The following CHP1 variants were observed in gnomAD, a reference collection of about 807,000 sequenced individuals.
The protein encoded by CHP1 is calcineurin B homologous protein 1.
CHP1 carries 11 observed loss-of-function variants against 27.4 expected under a neutral mutation model. The observed-to-expected ratio is 0.40, with a 90% CI of 0.25 to 0.67. CHP1 has a LOEUF of 0.67. CHP1 is among the 30% of genes least tolerant of loss of function. The pLI is 0.38. For synonymous variants in CHP1, 89 were observed against 87.4 expected (o/e 1.02, Z -0.10); for missense variants, 169 against 251.3 (o/e 0.67, Z 2.22).
At chr15:41,235,203 A>G (rs971335642) in intron 1 of CHP1, among the ~76,000 whole-genome samples, 3 of 152,114 alleles carry the variant, frequency 2.0e-5, no homozygotes, top group Admixed American at 6.6e-5. Context: ...AATTGTAGCA[A>G]TAAGCTGGCT....
At chr15:41,262,075 A>C (rs911979508) in intron 3 of CHP1, among the ~76,000 whole-genome samples, 1 of 151,770 alleles carries the variant, frequency 6.6e-6, no homozygotes. Context: ...AGGCTAAGGC[A>C]GGAGAATTGC....
At chr15:41,255,195 G>A (rs753112512) in intron 2 of CHP1, among the ~76,000 whole-genome samples, 5 of 151,866 alleles carry the variant, frequency 3.3e-5, no homozygotes, top group Non-Finnish European at 7.4e-5. Flanking sequence ...TTCCTAGTCC[G>A]GGATCATGTG....
At chr15:41,272,423 T>A (rs1322336458) in intron 5 of CHP1, 1 of 152,156 alleles carries the variant, frequency 6.6e-6, no homozygotes, top group Non-Finnish European at 1.5e-5. Flanking sequence ...TTTTTTTGTT[T>A]TGTTTTGTTT....
At chr15:41,271,930 T>A (rs1029656200) in intron 5 of CHP1, among the ~76,000 whole-genome samples, 1 of 152,224 alleles carries the variant, frequency 6.6e-6, no homozygotes, top group South Asian at 2.1e-4. Context: ...TATAGTTGCA[T>A]GTGTTTATGC....
rs912046677 is a variant in CHP1 at position 41,276,628 on chromosome 15, G to A, written c.412-2139G>A. On this transcript the variant is annotated intron_variant, in intron 5 of 6. Transcript: ENST00000334660. Reference sequence around the variant, plus strand: ...TGTTAAATTCTCTTACTCAATTCTCGCAGCCTTTTAATTGTGCTTGTTATT... The same window carrying A: ...TGTTAAATTCTCTTACTCAATTCTCACAGCCTTTTAATTGTGCTTGTTATT... Among the ~76,000 whole-genome samples the A allele has an allele frequency of 5.3e-5, 8 of 152,102 alleles. No homozygotes were observed. In the South Asian group the frequency reaches 8.3e-4, roughly 16 times the overall value.
chr15:41,264,493 C>T (rs1478087016), intron 4 of CHP1, among the ~76,000 whole-genome samples: 1 of 152,218 alleles, frequency 6.6e-6, no homozygotes, highest in Non-Finnish European at 1.5e-5. Flanking sequence ...AGGCTGAGTG[C>T]AGTGGCGTGA....
At chr15:41,247,257 T>C (rs918196473) in intron 2 of CHP1, among the ~76,000 whole-genome samples, 5 of 151,430 alleles carry the variant, frequency 3.3e-5, no homozygotes, top group African/African-American at 1.2e-4. Flanking sequence ...GAATTCCAGG[T>C]ACTTGGGAGG....
At chr15:41,235,279 G>A (rs1361814284) in intron 1 of CHP1, among the ~76,000 whole-genome samples, 1 of 152,126 alleles carries the variant, frequency 6.6e-6, no homozygotes, top group Admixed American at 6.6e-5. Context: ...AGCACTTTGG[G>A]AGGCCAAGGT....
At chr15:41,235,554 C>T (rs907859771) in intron 1 of CHP1, among the ~76,000 whole-genome samples, 5 of 152,068 alleles carry the variant, frequency 3.3e-5, no homozygotes, top group Non-Finnish European at 4.4e-5. Flanking sequence ...ACCACAAAAA[C>T]ACCTTGATAA....
chr15:41,265,875 A>T (rs535455425), intron 4 of CHP1, among the ~76,000 whole-genome samples: 89 of 152,210 alleles, frequency 5.8e-4, no homozygotes, highest in Admixed American at 2.0e-3. Context: ...AGCAAGGCTG[A>T]ACTATGCCCA....
chr15:41,272,914 G>T (rs566205801), intron 5 of CHP1, among the ~76,000 whole-genome samples: 1 of 152,014 alleles, frequency 6.6e-6, no homozygotes, highest in South Asian at 2.1e-4. Flanking sequence ...AAAATTAGCC[G>T]GGCATGGTGG....
chr15:41,268,609 T>C (rs1206725616), intron 4 of CHP1, among the ~76,000 whole-genome samples: 1 of 145,792 alleles, frequency 6.9e-6, no homozygotes, highest in African/African-American at 2.6e-5. Context: ...GCCACTGCAC[T>C]CCAGCCTGGG....
chr15:41,270,348 G>A (rs1312251394), intron 4 of CHP1, among the ~76,000 whole-genome samples: 1 of 152,120 alleles, frequency 6.6e-6, no homozygotes, highest in African/African-American at 2.4e-5. Flanking sequence ...TGTTGGAAGA[G>A]GGACCATACT....
chr15:41,271,595 G>C (rs1595482188), intron 5 of CHP1, among the ~76,000 whole-genome samples: 3 of 152,250 alleles, frequency 2.0e-5, no homozygotes, highest in African/African-American at 7.2e-5. Context: ...CCTTAGGGTT[G>C]ACTAAGAGTC....
chr15:41,272,917 C>T (rs1268986105), intron 5 of CHP1, among the ~76,000 whole-genome samples: 1 of 151,898 alleles, frequency 6.6e-6, no homozygotes, highest in Non-Finnish European at 1.5e-5. Flanking sequence ...ATTAGCCGGG[C>T]ATGGTGGTGG....
chr15:41,266,893 G>A (rs1283767331), intron 4 of CHP1, among the ~76,000 whole-genome samples: 6 of 151,808 alleles, frequency 4.0e-5, no homozygotes, highest in Admixed American at 3.3e-4. Context: ...CCAGCTAGTC[G>A]GGAGGCTGAG....
intron 2 of CHP1, among the ~76,000 whole-genome samples, chr15:41,251,932 G>A (rs2047370539): frequency 5.3e-5 from 8 of 151,622 alleles, no homozygotes; most frequent in Admixed American, 5.3e-4. Context: ...AATAGAGACA[G>A]GGTTTCTCCA....
At chr15:41,236,921 C>T (rs1395330479) in intron 1 of CHP1, among the ~76,000 whole-genome samples, 1 of 151,436 alleles carries the variant, frequency 6.6e-6, no homozygotes, top group African/African-American at 2.4e-5. Flanking sequence ...CCTCTGCCTC[C>T]TGGGTTCAAG....
At chr15:41,262,239 AG>A (rs1179192381) in intron 3 of CHP1, among the ~76,000 whole-genome samples, 1 of 152,146 alleles carries the variant, frequency 6.6e-6, no homozygotes, top group Non-Finnish European at 1.5e-5. Flanking sequence ...TAAATAAATA[AG>A]AAAAATTAAA....
Sources: gnomAD v4.1 joint callset for allele counts (sites outside exome capture counted in the v4.1 genomes callset) on GRCh38, gnomAD v4.1.1 for gene constraint, MANE v1.5 for transcripts, NCBI Gene and HGNC (gene_info 2026-07-23, HGNC 2026-07-21) for gene names.